The following DLG2 variants were observed in gnomAD, a reference collection of about 807,000 sequenced individuals.
DLG2 encodes the protein discs large MAGUK scaffold protein 2.
In DLG2, 45 loss-of-function variants were observed where a neutral mutation model predicts 132.5. That is an observed-to-expected ratio of 0.34 (90% CI 0.27 to 0.44). The LOEUF is 0.44. Among genes scored for constraint, DLG2 ranks in the 20% least tolerant of loss-of-function variants. The pLI is 1.00. For missense variants in DLG2, 1,045 were observed against 1,196.9 expected (o/e 0.87, Z 1.87); for synonymous variants, 424 against 419.6 (o/e 1.01, Z -0.13).
At chr11:84,265,302 G>T (rs2154360119) in intron 7 of DLG2, among the ~76,000 whole-genome samples, 1 of 142,986 alleles carries the variant, frequency 7.0e-6, no homozygotes, top group South Asian at 2.1e-4. Flanking sequence ...GTCAGGCACT[G>T]TGTTAAGAGT....
intron 6 of DLG2, among the ~76,000 whole-genome samples, chr11:84,980,012 A>T (rs2055507491): frequency 6.6e-6 from 1 of 152,110 alleles, no homozygotes; most frequent in Non-Finnish European, 1.5e-5. Flanking sequence ...ATGGCCTATA[A>T]GGTTTTCAAG....
chr11:83,913,923 G>T (rs951815750), intron 15 of DLG2, among the ~76,000 whole-genome samples: 2 of 152,166 alleles, frequency 1.3e-5, no homozygotes, highest in African/African-American at 4.8e-5. Flanking sequence ...AATTGCAGGT[G>T]CATATAGACA....
At chr11:85,168,837 T>C (rs952583680) in intron 4 of DLG2, among the ~76,000 whole-genome samples, 9 of 152,158 alleles carry the variant, frequency 5.9e-5, no homozygotes, top group Non-Finnish European at 7.4e-5. Context: ...GTCTTCGTCA[T>C]TGCAAACCTT....
intron 3 of DLG2, among the ~76,000 whole-genome samples, chr11:85,339,401 TAA>T (rs1352075237): frequency 6.6e-6 from 1 of 152,214 alleles, no homozygotes; most frequent in Non-Finnish European, 1.5e-5. Context: ...GGCTGAAAGG[TAA>T]ATGCACCTGT....
At chr11:84,592,933 TAAAAAAAAAAAAAAA>T (rs61017970) in intron 6 of DLG2, among the ~76,000 whole-genome samples, 15 of 18,196 alleles carry the variant, frequency 8.2e-4, no homozygotes, top group East Asian at 2.4e-3. Flanking sequence ...CTGTCTCTAC[TAAAAAAAAAAAAAAA>T]AAAAAAAAAA....
chr11:84,601,976 G>A (rs111611744), intron 6 of DLG2, among the ~76,000 whole-genome samples: 3 of 152,102 alleles, frequency 2.0e-5, no homozygotes, highest in African/African-American at 7.2e-5. Context: ...TGTTAAAAGA[G>A]TAGCATAAAT....
At chr11:83,494,204 C>T (rs7927629) in intron 21 of DLG2, among the ~76,000 whole-genome samples, 93,258 of 151,556 alleles carry the variant, frequency 0.62, 29,299 homozygotes, top group African/African-American at 0.73. Flanking sequence ...AAACTGCTAT[C>T]TGAGTTTCAC....
At chr11:84,278,475 T>A (rs1490233976) in intron 7 of DLG2, among the ~76,000 whole-genome samples, 1 of 2,474 alleles carries the variant, frequency 4.0e-4, no homozygotes, top group Non-Finnish European at 0.013. Context: ...CCAGATCATT[T>A]TTTTTTTTTG....
chr11:84,968,567 T>A (rs1451658604), intron 6 of DLG2, among the ~76,000 whole-genome samples: 1 of 152,206 alleles, frequency 6.6e-6, no homozygotes, highest in Middle Eastern at 3.2e-3. Context: ...GTTTCTGTAC[T>A]TCTGTATGTT....
intron 6 of DLG2, among the ~76,000 whole-genome samples, chr11:84,632,773 G>T (rs1322729469): frequency 6.6e-6 from 1 of 152,110 alleles, no homozygotes; most frequent in Non-Finnish European, 1.5e-5. Context: ...AGACTTTTTG[G>T]TTGCTACTGG....
At chr11:85,399,857 G>C (rs1233783142) in intron 3 of DLG2, among the ~76,000 whole-genome samples, 1 of 152,034 alleles carries the variant, frequency 6.6e-6, no homozygotes, top group Admixed American at 6.6e-5. Context: ...TTACCATTCA[G>C]GACATAGGCA....
intron 7 of DLG2, among the ~76,000 whole-genome samples, chr11:84,449,387 G>T (rs532658157): frequency 6.6e-6 from 1 of 151,730 alleles, no homozygotes; most frequent in East Asian, 1.9e-4. Context: ...AGATAGTGTT[G>T]CTGAAAATAT....
chr11:83,642,438 G>A (rs2066852314), intron 18 of DLG2, among the ~76,000 whole-genome samples: 1 of 152,144 alleles, frequency 6.6e-6, no homozygotes, highest in South Asian at 2.1e-4. Flanking sequence ...TTGCAGCTTG[G>A]ATGGAGAAAC....
chr11:85,061,607 A>C (rs1289281438), intron 6 of DLG2, among the ~76,000 whole-genome samples: 1 of 151,796 alleles, frequency 6.6e-6, no homozygotes, highest in Non-Finnish European at 1.5e-5. Flanking sequence ...TAAGATGTAA[A>C]TATTTTATTT....
intron 6 of DLG2, among the ~76,000 whole-genome samples, chr11:84,571,132 G>T (rs2099482479): frequency 6.6e-6 from 1 of 152,078 alleles, no homozygotes; most frequent in Non-Finnish European, 1.5e-5. Flanking sequence ...GAGGTACCCT[G>T]TTTTTTCATA....
intron 6 of DLG2, among the ~76,000 whole-genome samples, chr11:84,624,667 T>C (rs1320462471): frequency 1.3e-5 from 2 of 151,638 alleles, no homozygotes; most frequent in Middle Eastern, 3.4e-3. Context: ...GATTTACTCA[T>C]CAAGCTCTTC....
rs1353073026 is a variant in DLG2 at position 85,478,489 on chromosome 11, TTAC to T, written c.40+120165_40+120167del. On this transcript the variant is annotated intron_variant, in intron 3 of 27. Transcript: ENST00000376104. ...GAACCTACTATGTTATCATTCTTGATTACTAAATTTCTCAATTATCTTTGCTTT... is the reference window on the plus strand; with the variant it reads ...GAACCTACTATGTTATCATTCTTGATTAAATTTCTCAATTATCTTTGCTTT... Among the ~76,000 whole-genome samples, 6 of 152,348 alleles carry T rather than the reference TTAC, an allele frequency of 3.9e-5. 1 individual carries two copies. The highest frequency in any genetic ancestry group is 1.4e-4 in the African/African-American group (6 of 41,580).
chr11:83,722,543 C>T (rs1226098693), intron 18 of DLG2, among the ~76,000 whole-genome samples: 1 of 152,104 alleles, frequency 6.6e-6, no homozygotes, highest in Non-Finnish European at 1.5e-5. Flanking sequence ...AAGTTTACCT[C>T]CTCACCTCCA....
intron 19 of DLG2, among the ~76,000 whole-genome samples, chr11:83,599,849 A>C (rs1322272322): frequency 6.6e-6 from 1 of 152,248 alleles, no homozygotes; most frequent in African/African-American, 2.4e-5. Context: ...GAAGAACTAA[A>C]CTAATGTTAA....
Sources: gnomAD v4.1 joint callset for allele counts (sites outside exome capture counted in the v4.1 genomes callset) on GRCh38, gnomAD v4.1.1 for gene constraint, MANE v1.5 for transcripts, NCBI Gene and HGNC (gene_info 2026-07-23, HGNC 2026-07-21) for gene names.